The following USP8 variants were observed in gnomAD, a reference collection of about 807,000 sequenced individuals.
The protein encoded by USP8 is ubiquitin specific peptidase 8, also known as ubiquitin carboxyl-terminal hydrolase 8.
USP8 carries 27 observed loss-of-function variants against 130.0 expected under a neutral mutation model. The ratio of observed to expected loss-of-function variants is 0.21; its 90% CI spans 0.15 to 0.29. The LOEUF (loss-of-function observed/expected upper bound fraction) is 0.29, where lower values mean the gene tolerates loss of function less well. USP8 is among the 10% of genes least tolerant of loss of function. The pLI is 1.00. For synonymous variants in USP8, 392 were observed against 444.1 expected (o/e 0.88, Z 1.48); for missense variants, 1,029 against 1,312.2 (o/e 0.78, Z 3.33).
rs190802384 is a variant in USP8 at position 50,492,554 on chromosome 15, A to C, written c.2235-147A>C. 3.3e-4 allele frequency: 244 copies of C among 747,792 alleles called. 1 individual carries two copies. The East Asian group carries it at 6.5e-3, about 20-fold the overall frequency. The allele number at this position is 747,792 out of a possible 1,614,324, so 46.3% of individuals were successfully genotyped here. ...TTAACCTAAATATTAAATGTCCTGGAAGGCCCAGCATCTTATGAGTTAACA... is the reference window on the plus strand; with the variant it reads ...TTAACCTAAATATTAAATGTCCTGGCAGGCCCAGCATCTTATGAGTTAACA... On this transcript the variant is annotated intron_variant, in intron 14 of 19. Transcript: ENST00000307179.
rs547898772 is a variant in USP8, at chr15:50,445,123, A to G, written c.249+3630A>G. On this transcript the variant is annotated intron_variant, in intron 3 of 19. Transcript: ENST00000307179. ...CCAGCCTCTCTAGTGTACTTCAGCTATGTGAGGTGCTAAATTTACTAACAA... is the reference window on the plus strand; with the variant it reads ...CCAGCCTCTCTAGTGTACTTCAGCTGTGTGAGGTGCTAAATTTACTAACAA... Among the ~76,000 whole-genome samples, 6 of 152,244 alleles carry G rather than the reference A, an allele frequency of 3.9e-5. No homozygotes were observed. In the South Asian group the frequency reaches 1.0e-3, roughly 26 times the overall value.
At chr15:50,440,527 A>G (rs1313063525) in intron 2 of USP8, among the ~76,000 whole-genome samples, 2 of 152,296 alleles carry the variant, frequency 1.3e-5, no homozygotes, top group East Asian at 3.9e-4. Flanking sequence ...CAAGTGCACT[A>G]CATTTATTGT....
At chr15:50,482,863 A>G (rs1005271623) in intron 11 of USP8, among the ~76,000 whole-genome samples, 6 of 152,204 alleles carry the variant, frequency 3.9e-5, no homozygotes, top group African/African-American at 1.2e-4. Flanking sequence ...GTCAATTTCT[A>G]TACTTCTCAA....
At position 50,481,911 on chromosome 15, in the gene USP8, G is replaced by A; in HGVS notation, c.1649G>A (p.Gly550Glu). ...GCAAAGAGGGGCAAAGAAATAACAGGAGTAAAAAGACAAAGTAAAAGTGAA... is the reference window on the plus strand; with the variant it reads ...GCAAAGAGGGGCAAAGAAATAACAGAAGTAAAAAGACAAAGTAAAAGTGAA... ...TSAKRGKEIT[G>E]VKRQSKSEHE... is the part of the protein sequence containing the mutation. The change falls in exon 11 of 20, where the codon GGA (glycine) becomes GAA (glutamate). Residue 550 changes from glycine (G) to glutamate (E), a missense_variant. This residue lies in a region of USP8 where 486 missense variants were observed against 522.0 expected (regional missense o/e 0.93). Transcript: ENST00000307179. 1 of 1,604,760 alleles carries A rather than the reference G, an allele frequency of 6.2e-7. No homozygotes were observed. Among genetic ancestry groups the A allele is most frequent in the South Asian group, 1.1e-5 (1 of 89,356 alleles).
intron 14 of USP8, among the ~76,000 whole-genome samples, chr15:50,491,957 C>T (rs2052186840): frequency 6.6e-6 from 1 of 152,088 alleles, no homozygotes; most frequent in Non-Finnish European, 1.5e-5. Context: ...ACGTCTGCCT[C>T]CTCAAGCGAT....
chr15:50,494,004 C>G lies in USP8; in HGVS notation c.2448-66C>G. 3.2e-6 allele frequency: 5 copies of G among 1,542,052 alleles called. No individual in the cohort carries two copies. In the South Asian group the frequency reaches 5.7e-5, roughly 17 times the overall value. On this transcript the variant is annotated intron_variant, in intron 15 of 19. Coordinates refer to ENST00000307179, the MANE Select transcript of USP8 (RefSeq NM_005154.5). ...ATAATTTCATGTTGACATCAAGAAT[C>G]TACTGTACCTTGCTTAACTTTTAAA...
rs1349440474 is a variant in USP8 at position 50,459,059 on chromosome 15, A to G, written c.395A>G (p.Gln132Arg). 1.2e-6 allele frequency: 2 copies of G among 1,614,036 alleles called. No individual in the cohort carries two copies. The highest frequency in any genetic ancestry group is 1.7e-6 in the Non-Finnish European group (2 of 1,180,040). Residue 132 changes from glutamine (Q) to arginine (R), a missense_variant, in exon 5 of 20, where the codon CAG becomes CGG. By Grantham distance (43) the Gln-to-Arg change is conservative (BLOSUM62 1). Around this residue, in one of 4 missense-constraint regions of USP8, gnomAD observed 281 missense variants for 336.7 expected, o/e 0.83. Coordinates refer to ENST00000307179, the MANE Select transcript of USP8 (RefSeq NM_005154.5). ...LEEKDRQEEAQRLQQKRQETG... is the reference protein window; with the variant it reads ...LEEKDRQEEARRLQQKRQETG... ...GAAAAAGACAGGCAGGAGGAAGCAC[A>G]GCGGCTACAACAAAAAAGGCAGGAA... is the stretch of plus-strand genomic sequence containing the variant.
At chr15:50,445,568 A>AAAAAAAAAT (rs1248390470) in intron 3 of USP8, among the ~76,000 whole-genome samples, 1 of 112,788 alleles carries the variant, frequency 8.9e-6, no homozygotes, top group Non-Finnish European at 1.8e-5. Context: ...AAAAAAAAAA[A>AAAAAAAAAT]AGCCTGGGCA....
chr15:50,503,576 T>G lies in USP8; in HGVS notation c.*4488T>G, dbSNP rs2052619625. ...TTAAAAAACAAAATCCACCCTCTAGTGCTTGTGTTAGCTTGGACTCATGGT... is the reference window on the plus strand; with the variant it reads ...TTAAAAAACAAAATCCACCCTCTAGGGCTTGTGTTAGCTTGGACTCATGGT... On this transcript the variant is annotated 3_prime_UTR_variant, in exon 20 of 20. Transcript: ENST00000307179. The G allele has an allele frequency of 6.6e-6, 1 of 152,230 alleles. No individual in the cohort carries two copies. Among genetic ancestry groups the G allele is most frequent in the Non-Finnish European group, 1.5e-5 (1 of 68,042 alleles). 9.4% of individuals were successfully genotyped at this position (152,230 alleles called of 1,614,324 possible). A position where few individuals can be genotyped will look rare whatever the true frequency, so the allele number is the denominator to read the frequency against.
chr15:50,430,775 T>C (rs1334576859), intron 1 of USP8, among the ~76,000 whole-genome samples: 2 of 152,214 alleles, frequency 1.3e-5, no homozygotes, highest in Admixed American at 6.5e-5. Context: ...CTAGTTAATA[T>C]TTACATCTTA....
At chr15:50,469,660 T>C (rs1438625040) in intron 7 of USP8, among the ~76,000 whole-genome samples, 1 of 152,114 alleles carries the variant, frequency 6.6e-6, no homozygotes, top group African/African-American at 2.4e-5. Flanking sequence ...AAAATGATCT[T>C]ATTTGGTTTT....
rs1321082244 is a variant in USP8 at position 50,508,126 on chromosome 15, CACAAT to C, written c.*9044_*9048del. ...TTTAATTTAGACCCTAGTCTTTGAA[CACAAT>C]ACAATTAGCAGTCAATACAAAATGA... On this transcript the variant is annotated 3_prime_UTR_variant, in exon 20 of 20. Coordinates refer to ENST00000307179, the MANE Select transcript of USP8 (RefSeq NM_005154.5). 9.3e-6 allele frequency: 1 copy of C among 107,210 alleles called. No individual in the cohort carries two copies. The highest frequency in any genetic ancestry group is 2.0e-5 in the Non-Finnish European group (1 of 48,970). The allele number at this position is 107,210 out of a possible 1,614,324, so 6.6% of individuals were successfully genotyped here.
At position 50,508,462 on chromosome 15, in the gene USP8, T is replaced by TA. The variant is rs764162253; in HGVS notation, c.*9381dup. 5 of 152,102 alleles carry TA rather than the reference T, an allele frequency of 3.3e-5. No individual in the cohort carries two copies. The highest frequency in any genetic ancestry group is 5.9e-5 in the Non-Finnish European group (4 of 68,012). The allele number at this position is 152,102 out of a possible 1,614,324, so 9.4% of individuals were successfully genotyped here. A position where few individuals can be genotyped will look rare whatever the true frequency, so the allele number is the denominator to read the frequency against. On this transcript the variant is annotated 3_prime_UTR_variant, in exon 20 of 20. Coordinates refer to ENST00000307179, the MANE Select transcript of USP8 (RefSeq NM_005154.5). ...TGTATATGTTTGAAATATTCTATAATAAAAAAAGGCAGAGAAAGTGGGAGA... is the reference window on the plus strand; with the variant it reads ...TGTATATGTTTGAAATATTCTATAATAAAAAAAAGGCAGAGAAAGTGGGAGA...
intron 18 of USP8, chr15:50,497,636 A>C (rs1356996718): frequency 6.5e-6 from 1 of 152,692 alleles, no homozygotes. Context: ...TATGTTAACG[A>C]TACCATTAAG....
chr15:50,447,239 T>C (rs989428195), intron 3 of USP8, among the ~76,000 whole-genome samples: 4 of 152,152 alleles, frequency 2.6e-5, no homozygotes, highest in African/African-American at 9.7e-5. Context: ...TTATTTACTG[T>C]TAGTTTTTGT....
At chr15:50,493,014 C>G in intron 15 of USP8, 101 bp downstream of exon 15, 2 of 1,158,898 alleles carry the variant, frequency 1.7e-6, no homozygotes. Flanking sequence ...AACAAAATAC[C>G]TAAGACTAGA....
chr15:50,493,952 A>G (rs1040410382), intron 15 of USP8, 118 bp from the exon 16 acceptor site: 6 of 1,122,088 alleles, frequency 5.3e-6, no homozygotes, highest in Non-Finnish European at 8.1e-6. Context: ...ATAAATAAGT[A>G]GTTTAATGTA....
At chr15:50,478,266 G>A (rs78856410) in intron 10 of USP8, among the ~76,000 whole-genome samples, 1,604 of 152,238 alleles carry the variant, frequency 0.011, 30 homozygotes, top group African/African-American at 0.036. Flanking sequence ...CAATAATCAT[G>A]TAAAAGTTTT....
At chr15:50,439,790 CAATAATAATAATAATAAT>C (rs57780466) in intron 2 of USP8, among the ~76,000 whole-genome samples, 9 of 133,592 alleles carry the variant, frequency 6.7e-5, no homozygotes, top group East Asian at 2.2e-4. Context: ...AACTCTGTCT[CAATAATAATAATAATAAT>C]AATAATAATA....
Sources: gnomAD v4.1 joint callset for allele counts (sites outside exome capture counted in the v4.1 genomes callset) on GRCh38, gnomAD v4.1.1 for gene constraint, gnomAD v4.1.1 regional missense constraint, MANE v1.5 for transcripts, NCBI Gene and HGNC (gene_info 2026-07-23, HGNC 2026-07-21) for gene names.